USH2A: variants seen among roughly 807,000 people sequenced by gnomAD.
USH2A encodes Usher syndrome 2A (autosomal recessive, mild).
USH2A carries 443 observed loss-of-function variants against 538.9 expected under a neutral mutation model. The ratio of observed to expected loss-of-function variants is 0.82; its 90% CI spans 0.76 to 0.89. USH2A has a LOEUF of 0.89. USH2A is among the 40% of genes least tolerant of loss of function. The pLI is 0.00. For missense variants in USH2A, 6,633 were observed against 6,324.8 expected (o/e 1.05, Z -1.65); for synonymous variants, 2,413 against 2,273.5 (o/e 1.06, Z -1.75).
intron 58 of USH2A, among the ~76,000 whole-genome samples, chr1:215,755,543 T>A (rs189088604): frequency 6.6e-6 from 1 of 152,330 alleles, no homozygotes; most frequent in East Asian, 1.9e-4. Context: ...CAAAATCATC[T>A]GACTGTTTAC....
At chr1:215,892,617 C>T (rs1395067145) in intron 40 of USH2A, among the ~76,000 whole-genome samples, 1 of 151,842 alleles carries the variant, frequency 6.6e-6, no homozygotes, top group Non-Finnish European at 1.5e-5. Context: ...TTTGACAGCT[C>T]ATAATAAAAG....
intron 62 of USH2A, among the ~76,000 whole-genome samples, chr1:215,677,773 C>T (rs1006781322): frequency 1.1e-4 from 16 of 152,208 alleles, no homozygotes; most frequent in Non-Finnish European, 1.9e-4. Context: ...AGACTCTCAA[C>T]AGGTTGAGTT....
intron 21 of USH2A, among the ~76,000 whole-genome samples, chr1:216,137,479 A>G (rs1264501134): frequency 1.3e-5 from 2 of 151,944 alleles, no homozygotes; most frequent in Admixed American, 1.3e-4. Context: ...ATATCATGTA[A>G]AAGAGTTTAT....
At chr1:216,112,742 C>T (rs368788048) in intron 21 of USH2A, among the ~76,000 whole-genome samples, 19 of 151,868 alleles carry the variant, frequency 1.3e-4, no homozygotes, top group South Asian at 2.1e-4. Flanking sequence ...AGTTTGCTAA[C>T]GGTAATGGCC....
At chr1:215,886,343 A>G (rs573248968) in intron 41 of USH2A, among the ~76,000 whole-genome samples, 1 of 152,346 alleles carries the variant, frequency 6.6e-6, no homozygotes, top group South Asian at 2.1e-4. Context: ...GCTAAGCTAT[A>G]TCACGAGAAC....
chr1:216,324,141 AAATT>A (rs2037678113), intron 7 of USH2A, 23 bp downstream of exon 7: 5 of 1,604,734 alleles, frequency 3.1e-6, no homozygotes, highest in African/African-American at 1.3e-5. Context: ...TCAGTCTATT[AAATT>A]AATTGTTTAA....
At chr1:215,753,267 T>C (rs1012769377) in intron 58 of USH2A, among the ~76,000 whole-genome samples, 1 of 152,056 alleles carries the variant, frequency 6.6e-6, no homozygotes, top group African/African-American at 2.4e-5. Context: ...TCCTCAGGGA[T>C]CTTGAACTAG....
At position 216,198,489 on chromosome 1, in the gene USH2A, G is replaced by A; in HGVS notation, c.3907C>T (p.Leu1303Phe). 1.9e-6 allele frequency: 3 copies of A among 1,614,004 alleles called. No homozygotes were observed. The South Asian group carries it at 3.3e-5, about 18-fold the overall frequency. Residue 1303 changes from leucine to phenylalanine, a missense_variant, in exon 18 of 72, where the codon CTC (leucine) becomes TTC (phenylalanine). By Grantham distance (22) the Leu-to-Phe change is conservative. Transcript: ENST00000307340. ...GATTCTACAAATGAATGAGGACTGA[G>A]CCAACCACTGCTCTGAAAAACTCGA... ...ESRVFQSSGWLSPHSFVESAN... is the reference protein window; with the variant it reads ...ESRVFQSSGWFSPHSFVESAN...
rs1375805103 is a variant in USH2A at position 216,089,057 on chromosome 1, C to T, written c.4841G>A (p.Arg1614Lys). ...AGTGATTTGGCCAAAAGCCTGATGC[C>T]TAATAGCAATTATTTCATGCCATTT... ...DGKWHEIIAI[R>K]HQAFGQITLD... The change falls in exon 23 of 72, where the codon AGG (arginine) becomes AAG (lysine). Residue 1614 changes from arginine to lysine, a missense_variant. Coordinates refer to ENST00000307340, the MANE Select transcript of USH2A (RefSeq NM_206933.4). 1.9e-6 allele frequency: 3 copies of T among 1,613,344 alleles called. No individual in the cohort carries two copies. The highest frequency in any genetic ancestry group is 2.5e-6 in the Non-Finnish European group (3 of 1,179,622).
intron 56 of USH2A, 136 bp from the exon 57 acceptor site, chr1:215,759,979 TA>T: frequency 1.1e-6 from 1 of 920,760 alleles, no homozygotes; most frequent in East Asian, 2.6e-5. Flanking sequence ...GGAACAAAAA[TA>T]CATAATTGGT....
At chr1:215,630,067 CAT>C in intron 70 of USH2A, 1 of 512,064 alleles carries the variant, frequency 2.0e-6, no homozygotes, top group Non-Finnish European at 3.9e-6. Context: ...AGTTTTCACT[CAT>C]GTTGTTCAGC....
intron 32 of USH2A, among the ~76,000 whole-genome samples, chr1:216,022,567 C>T (rs377496358): frequency 6.6e-6 from 1 of 152,066 alleles, no homozygotes; most frequent in Non-Finnish European, 1.5e-5. Context: ...TTTTGTTAAA[C>T]CTTTAAGATA....
At chr1:215,874,768 G>A (rs1333881991) in intron 43 of USH2A, among the ~76,000 whole-genome samples, 1 of 152,262 alleles carries the variant, frequency 6.6e-6, no homozygotes, top group African/African-American at 2.4e-5. Context: ...ACACTTCAGT[G>A]CTCCTTTTAT....
intron 21 of USH2A, among the ~76,000 whole-genome samples, chr1:216,102,221 T>G (rs1558259511): frequency 6.6e-6 from 1 of 151,338 alleles, no homozygotes; most frequent in Non-Finnish European, 1.5e-5. Flanking sequence ...GTATCATTAG[T>G]CATCTGAGAA....
chr1:215,626,526 T>C (rs762766557), intron 71 of USH2A, among the ~76,000 whole-genome samples: 8 of 151,788 alleles, frequency 5.3e-5, no homozygotes, highest in Non-Finnish European at 1.0e-4. Flanking sequence ...ATTTTGTATT[T>C]ATCAAATAGG....
At chr1:216,177,517 G>T (rs905788626) in intron 20 of USH2A, among the ~76,000 whole-genome samples, 2 of 152,078 alleles carry the variant, frequency 1.3e-5, no homozygotes, top group Non-Finnish European at 2.9e-5. Context: ...AACGGTCCAG[G>T]CAACTAACTT....
At chr1:216,065,346 A>T (rs1297306988) in intron 30 of USH2A, among the ~76,000 whole-genome samples, 1 of 152,230 alleles carries the variant, frequency 6.6e-6, no homozygotes, top group African/African-American at 2.4e-5. Flanking sequence ...TCAATATGGT[A>T]TATCTAACAT....
chr1:215,732,224 G>A (rs1306707594), intron 60 of USH2A, among the ~76,000 whole-genome samples: 3 of 152,166 alleles, frequency 2.0e-5, no homozygotes, highest in Admixed American at 2.0e-4. Flanking sequence ...AGGTTGAATC[G>A]TCAAGTTTTT....
At chr1:216,176,558 T>C (rs1342944383) in intron 20 of USH2A, among the ~76,000 whole-genome samples, 1 of 152,190 alleles carries the variant, frequency 6.6e-6, no homozygotes, top group East Asian at 1.9e-4. Flanking sequence ...CATTGACACA[T>C]CATTTTCATT....
Sources: gnomAD v4.1 joint callset for allele counts (sites outside exome capture counted in the v4.1 genomes callset) on GRCh38, gnomAD v4.1.1 for gene constraint, MANE v1.5 for transcripts, NCBI Gene and HGNC (gene_info 2026-07-23, HGNC 2026-07-21) for gene names.